Variants in CENPM observed in about 807,000 individuals in gnomAD.
The protein encoded by CENPM is interphase centromere complex protein 39.
In CENPM, 14 loss-of-function variants were observed where a neutral mutation model predicts 19.6. That is an observed-to-expected ratio of 0.71 (90% CI 0.47 to 1.11). CENPM has a LOEUF of 1.11. CENPM is among the 50% of genes most tolerant of loss of function. The pLI is 0.00. For missense variants in CENPM, 239 were observed against 228.4 expected (o/e 1.05, Z -0.30); for synonymous variants, 114 against 101.5 (o/e 1.12, Z -0.74).
At chr22:41,941,921 A>G (rs2077742916) in intron 5 of CENPM, among the ~76,000 whole-genome samples, 1 of 152,228 alleles carries the variant, frequency 6.6e-6, no homozygotes, top group African/African-American at 2.4e-5. Flanking sequence ...CTAATGTGAT[A>G]TGAAAACATC....
In CENPM at chr22:41,943,026, A is replaced by G. The variant is rs1192485453; in HGVS notation, c.402+584T>C. Among the ~76,000 whole-genome samples the G allele has an allele frequency of 5.9e-5, 9 of 152,166 alleles. No homozygotes were observed. The East Asian group carries it at 1.7e-3, about 29-fold the overall frequency. ...CTTGTGAGAAACACCAACAGGATCC[A>G]GTTGGGGCAGAATTCCCTACATATG... On this transcript the variant is annotated intron_variant, in intron 5 of 5. Coordinates refer to ENST00000215980, the MANE Select transcript of CENPM (RefSeq NM_024053.5).
chr22:41,939,593 T>C (rs2077707296), intron 5 of CENPM, among the ~76,000 whole-genome samples: 1 of 151,386 alleles, frequency 6.6e-6, no homozygotes, highest in East Asian at 2.0e-4. Flanking sequence ...GAGCAGAAGA[T>C]ACAGGGATAG....
At chr22:41,936,772 A>G (rs979846333), downstream of CENPM, among the ~76,000 whole-genome samples, 9 of 152,190 alleles carry the variant, frequency 5.9e-5, no homozygotes, top group Admixed American at 5.9e-4. Context: ...TACTAAAAAT[A>G]CAAAAATTAG....
chr22:41,944,055 C>T, intron 4 of CENPM: 1 of 967,584 alleles, frequency 1.0e-6, no homozygotes, highest in Non-Finnish European at 1.2e-6. Flanking sequence ...ACACCTCATG[C>T]ATGCCGGAGT....
the CENPM span, among the ~76,000 whole-genome samples, chr22:41,930,603 C>T: frequency 1.3e-5 from 2 of 151,978 alleles, no homozygotes; most frequent in African/African-American, 4.8e-5. Flanking sequence ...ACTGCAACAC[C>T]CAACTCCCAG....
At chr22:41,938,008 T>C (rs2077691361), downstream of CENPM, among the ~76,000 whole-genome samples, 1 of 152,010 alleles carries the variant, frequency 6.6e-6, no homozygotes, top group Non-Finnish European at 1.5e-5. Context: ...CATGCCTGGC[T>C]AATTTGTTTG....
intron 1 of CENPM, 106 bp downstream of exon 1, chr22:41,946,914 G>A: frequency 8.5e-7 from 1 of 1,173,596 alleles, no homozygotes; most frequent in Non-Finnish European, 1.3e-6. Flanking sequence ...CCCCCGCCAC[G>A]GTAGCGCGCG....
chr22:41,943,111 C>A (rs2077757565), intron 5 of CENPM, among the ~76,000 whole-genome samples: 1 of 152,018 alleles, frequency 6.6e-6, no homozygotes, highest in African/African-American at 2.4e-5. Context: ...GGTACCCTAG[C>A]TTGGGGTGGG....
At chr22:41,938,302 T>C (rs1319626465), downstream of CENPM, among the ~76,000 whole-genome samples, 1 of 151,010 alleles carries the variant, frequency 6.6e-6, no homozygotes, top group African/African-American at 2.4e-5. Context: ...TCACCATGCC[T>C]GGCTAATTTT....
the CENPM span, among the ~76,000 whole-genome samples, chr22:41,930,587 C>G: frequency 6.6e-6 from 1 of 151,808 alleles, no homozygotes; most frequent in Admixed American, 6.6e-5. Flanking sequence ...ACACCCAACT[C>G]AGCTCACTGC....
the CENPM span, among the ~76,000 whole-genome samples, chr22:41,933,629 G>A: frequency 2.0e-5 from 3 of 152,088 alleles, no homozygotes; most frequent in Non-Finnish European, 2.9e-5. Context: ...GGTGGGACCC[G>A]CAGACTTAGG....
At chr22:41,928,495 C>G in the CENPM span, among the ~76,000 whole-genome samples, 3 of 152,184 alleles carry the variant, frequency 2.0e-5, no homozygotes, top group African/African-American at 4.8e-5. The surrounding 1 kb of genome is among the most constrained non-coding windows in gnomAD (Gnocchi z 4.0). Context: ...ACCCAGACCC[C>G]TAAGCACTCA....
rs1414516617 is a variant in CENPM at position 41,939,169 on chromosome 22, G to A, written c.430C>T (p.Gln144Ter). 1 of 1,612,064 alleles carries A rather than the reference G, an allele frequency of 6.2e-7. No homozygotes were observed. The highest frequency in any genetic ancestry group is 8.5e-7 in the Non-Finnish European group (1 of 1,179,658). The change falls in exon 6 of 6, where the codon CAG (glutamine) becomes TAG (stop). Residue 144 changes from glutamine (Q) to a stop codon, truncating the protein, a stop_gained. Coordinates refer to ENST00000215980, the MANE Select transcript of CENPM (RefSeq NM_024053.5). LOFTEE classifies it high-confidence loss of function. ...EVEGFRATMA[Q>*]RLVRVLQICA... ...ATCTGCAGCACGCGCACCAGGCGCT[G>A]CGCCATGGTGGCCCTAAAGCCTTCC...
the CENPM span, among the ~76,000 whole-genome samples, chr22:41,929,992 G>A: frequency 7.5e-6 from 1 of 133,028 alleles, no homozygotes; most frequent in African/African-American, 2.9e-5. Context: ...CGCCCAGGCT[G>A]GAGTGCAGTG....
At chr22:41,942,668 G>A (rs2077752246) in intron 5 of CENPM, among the ~76,000 whole-genome samples, 1 of 151,466 alleles carries the variant, frequency 6.6e-6, no homozygotes, top group Non-Finnish European at 1.5e-5. Flanking sequence ...GGAGAATGGC[G>A]TGAACTCGGG....
the CENPM span, among the ~76,000 whole-genome samples, chr22:41,927,455 TCTC>T: frequency 4.6e-5 from 7 of 151,490 alleles, no homozygotes; most frequent in Non-Finnish European, 8.8e-5. Flanking sequence ...AACCCACCTG[TCTC>T]CTCCTCTCTT....
At chr22:41,936,111 C>A (rs972203589), downstream of CENPM, among the ~76,000 whole-genome samples, 1 of 152,210 alleles carries the variant, frequency 6.6e-6, no homozygotes, top group Non-Finnish European at 1.5e-5. Flanking sequence ...CTCAAGTGAT[C>A]TGCCCACCGT....
At chr22:41,944,398 A>G (rs957436001) in intron 4 of CENPM, among the ~76,000 whole-genome samples, 4 of 145,798 alleles carry the variant, frequency 2.7e-5, no homozygotes, top group Non-Finnish European at 5.9e-5. Context: ...ATCACGCCAT[A>G]GCACTCCAGC....
the CENPM span, among the ~76,000 whole-genome samples, chr22:41,930,602 C>T: frequency 0.058 from 8,780 of 151,404 alleles, 305 homozygotes; most frequent in Non-Finnish European, 0.079. Context: ...CACTGCAACA[C>T]CCAACTCCCA....
Sources: gnomAD v4.1 joint callset for allele counts (sites outside exome capture counted in the v4.1 genomes callset) on GRCh38, gnomAD v4.1.1 for gene constraint, Gnocchi (gnomAD v3.1) non-coding constraint, MANE v1.5 for transcripts, NCBI Gene and HGNC (gene_info 2026-07-23, HGNC 2026-07-21) for gene names.